Variants in NDUFS4 observed in about 807,000 individuals in gnomAD.
NDUFS4 encodes the protein NADH dehydrogenase [ubiquinone] iron-sulfur protein 4, mitochondrial.
NDUFS4 carries 28 observed loss-of-function variants against 24.3 expected under a neutral mutation model. The observed-to-expected ratio is 1.15, with a 90% CI of 0.85 to 1.58. The LOEUF (loss-of-function observed/expected upper bound fraction) is 1.58. Ranked by LOEUF, NDUFS4 falls within the 40% of genes most tolerant of loss-of-function variation. NDUFS4 has a pLI of 0.00. For missense variants in NDUFS4, 223 were observed against 207.9 expected (o/e 1.07, Z -0.45); for synonymous variants, 93 against 69.7 (o/e 1.34, Z -1.67).
At chr5:53,567,085 G>A (rs1039496965) in intron 1 of NDUFS4, among the ~76,000 whole-genome samples, 10 of 151,978 alleles carry the variant, frequency 6.6e-5, no homozygotes, top group African/African-American at 2.4e-4. Context: ...TCCTGACCTC[G>A]TGATCCACCT....
intron 4 of NDUFS4, among the ~76,000 whole-genome samples, chr5:53,667,636 G>T (rs1025820551): frequency 6.6e-6 from 1 of 151,982 alleles, no homozygotes; most frequent in African/African-American, 2.4e-5. Context: ...ATCATTTGTT[G>T]TCAGCTAGTG....
At chr5:53,562,034 C>T (rs537490148) in intron 1 of NDUFS4, among the ~76,000 whole-genome samples, 155 of 151,240 alleles carry the variant, frequency 1.0e-3, no homozygotes, top group African/African-American at 3.6e-3. Flanking sequence ...GATACATTCT[C>T]ACTCTGACGC....
Position 53,601,043 on chromosome 5 carries a change from C to T in NDUFS4, c.99-2409C>T, listed in dbSNP as rs1328896532. 1.3e-3 allele frequency among the ~76,000 whole-genome samples: 181 copies of T among 138,226 alleles called. 1 individual carries two copies. Among genetic ancestry groups the T allele is most frequent in the African/African-American group, 4.9e-3 (176 of 36,264 alleles). The allele number at this position is 138,226 out of a possible 152,430, so 90.7% of individuals were successfully genotyped here. Reference sequence around the variant, plus strand: ...TTTTTGAGACGGAGTCTTGCTCTGTCGCCCAGGCTGGAGTGCAGTGGCGCG... The same window carrying T: ...TTTTTGAGACGGAGTCTTGCTCTGTTGCCCAGGCTGGAGTGCAGTGGCGCG... On this transcript the variant is annotated intron_variant, in intron 1 of 4. Transcript: ENST00000296684.
At chr5:53,617,121 C>T (rs80079516) in intron 2 of NDUFS4, among the ~76,000 whole-genome samples, 2 of 152,164 alleles carry the variant, frequency 1.3e-5, no homozygotes, top group East Asian at 3.9e-4. Context: ...AATAAATTGG[C>T]TGAGGTGCTG....
chr5:53,600,610 G>A (rs764309969), intron 1 of NDUFS4, among the ~76,000 whole-genome samples: 7 of 152,148 alleles, frequency 4.6e-5, no homozygotes, highest in African/African-American at 7.2e-5. Context: ...CGCCCAGCCC[G>A]GTAGGTATAA....
intron 1 of NDUFS4, among the ~76,000 whole-genome samples, chr5:53,585,130 G>A (rs1276805607): frequency 2.0e-5 from 3 of 152,198 alleles, no homozygotes; most frequent in Non-Finnish European, 4.4e-5. Context: ...TGAAAAGTCA[G>A]TTGAAGAAGT....
intron 4 of NDUFS4, among the ~76,000 whole-genome samples, chr5:53,662,611 A>T (rs577297862): frequency 4.1e-4 from 63 of 152,230 alleles, no homozygotes; most frequent in African/African-American, 1.4e-3. Flanking sequence ...TTCGGCTGTG[A>T]ATCCATCTGG....
chr5:53,594,321 T>C (rs1750064601), intron 1 of NDUFS4, among the ~76,000 whole-genome samples: 1 of 152,032 alleles, frequency 6.6e-6, no homozygotes, highest in South Asian at 2.1e-4. Flanking sequence ...TGTTCTGGAG[T>C]CCCGTTTGTC....
intron 1 of NDUFS4, among the ~76,000 whole-genome samples, chr5:53,581,061 A>AAG: frequency 6.6e-6 from 1 of 152,148 alleles, no homozygotes; most frequent in East Asian, 1.9e-4. Context: ...TTGAGCTCCC[A>AAG]ACCTCAGGTG....
intron 2 of NDUFS4, among the ~76,000 whole-genome samples, chr5:53,611,365 C>G (rs957125188): frequency 6.6e-6 from 1 of 151,782 alleles, no homozygotes; most frequent in South Asian, 2.1e-4. Context: ...TTGTTGAGTA[C>G]AAATCTTCAG....
chr5:53,638,219 C>A (rs1442381744), intron 2 of NDUFS4, among the ~76,000 whole-genome samples: 3 of 151,864 alleles, frequency 2.0e-5, no homozygotes, highest in South Asian at 2.1e-4. Context: ...ACAGTTCTTC[C>A]CATATAATTT....
chr5:53,636,792 G>C (rs775476941), intron 2 of NDUFS4, among the ~76,000 whole-genome samples: 1 of 152,094 alleles, frequency 6.6e-6, no homozygotes, highest in Non-Finnish European at 1.5e-5. Context: ...AATAGTAAAT[G>C]AGTTATCATG....
intron 2 of NDUFS4, among the ~76,000 whole-genome samples, chr5:53,606,048 G>GGCATGA (rs1750492779): frequency 6.8e-6 from 1 of 147,542 alleles, no homozygotes; most frequent in African/African-American, 2.5e-5. Flanking sequence ...GCCGGGCATG[G>GGCATGA]TGGTGGGCGC....
chr5:53,610,734 C>T (rs574359329), intron 2 of NDUFS4, among the ~76,000 whole-genome samples: 9 of 152,176 alleles, frequency 5.9e-5, no homozygotes, highest in South Asian at 4.1e-4. Flanking sequence ...GGTTAAACAT[C>T]GCCAGGGCTT....
At position 53,651,278 on chromosome 5, in the gene NDUFS4, G is replaced by A. The variant is rs912765338; in HGVS notation, c.350+4873G>A. 6.6e-5 allele frequency among the ~76,000 whole-genome samples: 10 copies of A among 152,024 alleles called. 1 individual carries two copies. The highest frequency in any genetic ancestry group is 6.6e-4 in the Admixed American group (10 of 15,262). ...TTAGCATTTTAATGACACAAAAATA[G>A]TATGTAATTTTACTGCTTGGACATA... On this transcript the variant is annotated intron_variant, in intron 3 of 4. Transcript: ENST00000296684.
chr5:53,639,703 T>C (rs1751655217), intron 2 of NDUFS4, among the ~76,000 whole-genome samples: 1 of 152,158 alleles, frequency 6.6e-6, no homozygotes, highest in African/African-American at 2.4e-5. Context: ...TTTATTTTTC[T>C]TGTTTAAAAA....
rs1248106946 is a variant in NDUFS4, at chr5:53,683,314, T to TAATA, written c.*97_*100dup. The TAATA allele has an allele frequency of 4.4e-6, 4 of 918,496 alleles. No individual in the cohort carries two copies. Among genetic ancestry groups the TAATA allele is most frequent in the Middle Eastern group, 2.2e-4 (1 of 4,474 alleles). 56.9% of individuals were successfully genotyped at this position (918,496 alleles called of 1,614,324 possible). Reference sequence around the variant, plus strand: ...ATAATAAATACATCTCTTAATCTCCTAATAAATTGGACCTTTAAACTACAG... The same window carrying TAATA: ...ATAATAAATACATCTCTTAATCTCCTAATAAATAAATTGGACCTTTAAACTACAG... On this transcript the variant is annotated 3_prime_UTR_variant, in exon 5 of 5. Coordinates refer to ENST00000296684, the MANE Select transcript of NDUFS4 (RefSeq NM_002495.4).
intron 4 of NDUFS4, among the ~76,000 whole-genome samples, chr5:53,674,628 AT>A (rs1740396959): frequency 1.3e-5 from 2 of 152,218 alleles, no homozygotes; most frequent in East Asian, 1.9e-4. Context: ...AATTAAAAAA[AT>A]AAGAGATCTG....
At chr5:53,644,363 T>C (rs1439410973) in intron 2 of NDUFS4, among the ~76,000 whole-genome samples, 1 of 152,178 alleles carries the variant, frequency 6.6e-6, no homozygotes, top group Non-Finnish European at 1.5e-5. Flanking sequence ...TTCTATAACA[T>C]GCTTATAGTG....
Sources: gnomAD v4.1 joint callset for allele counts (sites outside exome capture counted in the v4.1 genomes callset) on GRCh38, gnomAD v4.1.1 for gene constraint, MANE v1.5 for transcripts, NCBI Gene and HGNC (gene_info 2026-07-23, HGNC 2026-07-21) for gene names.